Variants in ENTPD7 observed in about 807,000 individuals in gnomAD.
ENTPD7 encodes ectonucleoside triphosphate diphosphohydrolase 7.
ENTPD7 carries 53 observed loss-of-function variants against 77.9 expected under a neutral mutation model. The observed-to-expected ratio is 0.68, with a 90% CI of 0.55 to 0.85. The LOEUF (loss-of-function observed/expected upper bound fraction) is 0.85, where lower values mean the gene tolerates loss of function less well. Among genes scored for constraint, ENTPD7 ranks in the 40% least tolerant of loss-of-function variants. ENTPD7 has a pLI of 0.00. For synonymous variants in ENTPD7, 248 were observed against 274.9 expected (o/e 0.90, Z 0.97); for missense variants, 636 against 743.7 (o/e 0.86, Z 1.68).
intron 3 of ENTPD7, among the ~76,000 whole-genome samples, chr10:99,667,967 C>T (rs1353632692): frequency 8.4e-6 from 1 of 119,238 alleles, no homozygotes; most frequent in Non-Finnish European, 1.6e-5. Flanking sequence ...CAGAGTCTCA[C>T]TCTGTTGCCC....
intron 10 of ENTPD7, among the ~76,000 whole-genome samples, chr10:99,699,110 A>G (rs530574230): frequency 2.0e-5 from 3 of 152,368 alleles, no homozygotes; most frequent in South Asian, 2.1e-4. Context: ...TTACCCAGGC[A>G]TAAAATTTTT....
intron 9 of ENTPD7, chr10:99,698,061 G>A (rs2036022985): frequency 1.1e-5 from 2 of 187,798 alleles, no homozygotes; most frequent in Non-Finnish European, 1.1e-5. Flanking sequence ...CTCATTCAGA[G>A]GCAGGCATGG....
At chr10:99,665,850 T>C (rs1269569613) in intron 3 of ENTPD7, among the ~76,000 whole-genome samples, 1 of 152,194 alleles carries the variant, frequency 6.6e-6, no homozygotes, top group Non-Finnish European at 1.5e-5. Context: ...CGACTTTCTT[T>C]TCCTTTCCAG....
chr10:99,685,743 A>T, intron 5 of ENTPD7, 49 bp from the exon 6 acceptor site: 1 of 1,382,892 alleles, frequency 7.2e-7, no homozygotes, highest in Non-Finnish European at 1.0e-6. Flanking sequence ...GCAGTTTATG[A>T]GAAGAGAGTT....
intron 9 of ENTPD7, among the ~76,000 whole-genome samples, chr10:99,696,887 G>A (rs1590055530): frequency 6.6e-6 from 1 of 152,194 alleles, no homozygotes; most frequent in East Asian, 1.9e-4. Context: ...CAGGGAGGAT[G>A]GCCAGCAGTG....
chr10:99,660,526 GCACACACA>G (rs68112730), intron 2 of ENTPD7: 33,640 of 280,798 alleles, frequency 0.12, 1,736 homozygotes, highest in East Asian at 0.26. Flanking sequence ...GAATGGATAC[GCACACACA>G]CACACACACA....
intron 3 of ENTPD7, among the ~76,000 whole-genome samples, chr10:99,668,509 A>T (rs1264271707): frequency 6.6e-6 from 1 of 152,194 alleles, no homozygotes; most frequent in East Asian, 1.9e-4. Context: ...CATATTCTTT[A>T]TATATAAAGT....
At chr10:99,664,456 T>C (rs2035524524) in intron 3 of ENTPD7, among the ~76,000 whole-genome samples, 1 of 149,894 alleles carries the variant, frequency 6.7e-6, no homozygotes, top group Non-Finnish European at 1.5e-5. Flanking sequence ...TTTTCTTTTT[T>C]TTTTTTTTTT....
chr10:99,701,110 G>C (rs750137023), intron 11 of ENTPD7, 52 bp downstream of exon 11: 29 of 1,364,564 alleles, frequency 2.1e-5, no homozygotes, highest in Non-Finnish European at 3.0e-5. Context: ...CTAGATGGCA[G>C]ATTATAATGG....
intron 2 of ENTPD7, among the ~76,000 whole-genome samples, chr10:99,660,973 G>A (rs2035477783): frequency 6.6e-6 from 1 of 152,042 alleles, no homozygotes; most frequent in African/African-American, 2.4e-5. Flanking sequence ...GCCTCTGAGA[G>A]ATTGTGGGGT....
chr10:99,661,478 G>C lies in ENTPD7; in HGVS notation c.41G>C (p.Trp14Ser). 2 of 1,609,632 alleles carry C rather than the reference G, an allele frequency of 1.2e-6. No individual in the cohort carries two copies. The highest frequency in any genetic ancestry group is 2.2e-5 in the East Asian group (1 of 44,624). ...TTTTCCTACCTCTGCCCAGCCTCCT[G>C]GTACTTCACTGTGCCCACAGTGAGT... ...ISFSYLCPASWYFTVPTVSPF... is the reference protein window; with the variant it reads ...ISFSYLCPASSYFTVPTVSPF... The change falls in exon 3 of 13, where the codon TGG becomes TCG. Residue 14 changes from tryptophan to serine, a missense_variant. By Grantham distance (177) the Trp-to-Ser change is radical (BLOSUM62 -3). Around this residue, in one of 3 missense-constraint regions of ENTPD7, gnomAD observed 486 missense variants for 556.5 expected, o/e 0.87. Transcript: ENST00000370489.
At chr10:99,669,740 GTT>G (rs71472510) in intron 3 of ENTPD7, among the ~76,000 whole-genome samples, 1 of 59,256 alleles carries the variant, frequency 1.7e-5, no homozygotes, top group African/African-American at 6.7e-5. Flanking sequence ...TAGATGTGTG[GTT>G]TTTTTTTTTT....
chr10:99,696,257 A>G, intron 9 of ENTPD7, 135 bp downstream of exon 9: 2 of 1,058,386 alleles, frequency 1.9e-6, no homozygotes, highest in South Asian at 1.7e-5. Flanking sequence ...CCAATGGGGT[A>G]GCATCTCTTA....
intron 12 of ENTPD7, among the ~76,000 whole-genome samples, chr10:99,703,304 G>A (rs2036179695): frequency 6.6e-6 from 1 of 152,172 alleles, no homozygotes; most frequent in South Asian, 2.1e-4. Context: ...TTTGATGTCT[G>A]TTCCTCTAAA....
chr10:99,685,714 A>G (rs956757216), intron 5 of ENTPD7, 78 bp from the exon 6 acceptor site: 1 of 1,010,554 alleles, frequency 9.9e-7, no homozygotes, highest in Non-Finnish European at 1.6e-6. Context: ...GACAAGGCTA[A>G]GTAGAAGGAC....
chr10:99,708,806 T>C lies in ENTPD7; in HGVS notation c.*4123T>C. 1 of 985,296 alleles carries C rather than the reference T, an allele frequency of 1.0e-6. No individual in the cohort carries two copies. Among genetic ancestry groups the C allele is most frequent in the Non-Finnish European group, 1.2e-6 (1 of 829,798 alleles). The allele number at this position is 985,296 out of a possible 1,614,324, so 61.0% of individuals were successfully genotyped here. ...AGCAGTTGTAATATGTGCAAAGTCA[T>C]AGTGACTGGCCTCCTAGCCCAACTA... On this transcript the variant is annotated 3_prime_UTR_variant, in exon 13 of 13. Transcript: ENST00000370489.
chr10:99,668,655 ATTCTC>A (rs767623069), intron 3 of ENTPD7, among the ~76,000 whole-genome samples: 7 of 152,150 alleles, frequency 4.6e-5, no homozygotes, highest in Non-Finnish European at 8.8e-5. Context: ...CTGTTTTCCA[ATTCTC>A]TTCTCTGCCT....
At chr10:99,665,406 C>T (rs771382055) in intron 3 of ENTPD7, among the ~76,000 whole-genome samples, 4 of 152,172 alleles carry the variant, frequency 2.6e-5, no homozygotes, top group Non-Finnish European at 5.9e-5. Flanking sequence ...ACAACCATTT[C>T]CTGGAATCTT....
At position 99,710,804 on chromosome 10, in the gene ENTPD7, C is replaced by A; in HGVS notation, c.*6121C>A. 3 of 985,352 alleles carry A rather than the reference C, an allele frequency of 3.0e-6. No homozygotes were observed. Among genetic ancestry groups the A allele is most frequent in the Non-Finnish European group, 3.6e-6 (3 of 829,904 alleles). The allele number at this position is 985,352 out of a possible 1,614,324, so 61.0% of individuals were successfully genotyped here. The stretch of plus-strand genomic sequence containing the variant: ...TGCTTTAGGGAGTTGCTAGTCATTA[C>A]CCCTGCTACAATAGATAGTATTTGT... On this transcript the variant is annotated 3_prime_UTR_variant, in exon 13 of 13. Transcript: ENST00000370489.
Sources: gnomAD v4.1 joint callset for allele counts (sites outside exome capture counted in the v4.1 genomes callset) on GRCh38, gnomAD v4.1.1 for gene constraint, gnomAD v4.1.1 regional missense constraint, MANE v1.5 for transcripts, NCBI Gene and HGNC (gene_info 2026-07-23, HGNC 2026-07-21) for gene names.